The following KAT6B variants were observed in gnomAD, a reference collection of about 807,000 sequenced individuals.
KAT6B encodes the protein lysine acetyltransferase 6B, also known as histone acetyltransferase KAT6B.
Under a neutral mutation model 187.5 loss-of-function variants are expected in KAT6B, and 10 were observed. The observed-to-expected ratio is 0.05, with a 90% CI of 0.03 to 0.09. The LOEUF is 0.09. Among genes scored for constraint, KAT6B ranks in the 10% least tolerant of loss-of-function variants. The pLI is 1.00. For synonymous variants in KAT6B, 861 were observed against 926.8 expected, an observed-to-expected ratio of 0.93 and a Z score of 1.29; for missense variants, 1,952 against 2,558.9, an observed-to-expected ratio of 0.76 and a Z score of 5.12.
rs1157587933 is a variant in KAT6B, at chr10:74,975,521, C to T, written c.1184C>T (p.Ser395Leu). ...SSGHAASGKD[S>L]SSRLAVTDPT... ...GGTCATGCTGCATCTGGGAAGGACT[C>T]AAGCAGCAGATTGGCTGTTACAGAC... Residue 395 changes from serine to leucine, a missense_variant, in exon 8 of 18, where the codon TCA (serine) becomes TTA (leucine). Coordinates refer to ENST00000287239, the MANE Select transcript of KAT6B (RefSeq NM_012330.4). 1 of 1,614,092 alleles carries T rather than the reference C, an allele frequency of 6.2e-7. No homozygotes were observed. Among genetic ancestry groups the T allele is most frequent in the Non-Finnish European group, 8.5e-7 (1 of 1,180,030 alleles).
At chr10:74,933,732 A>G (rs1344994069) in intron 3 of KAT6B, among the ~76,000 whole-genome samples, 2 of 152,326 alleles carry the variant, frequency 1.3e-5, no homozygotes, top group South Asian at 4.1e-4. Context: ...TTCGCTGAGG[A>G]TAACAATGGC....
chr10:74,889,880 T>C (rs938964310), intron 3 of KAT6B, among the ~76,000 whole-genome samples: 6 of 152,182 alleles, frequency 3.9e-5, no homozygotes, highest in African/African-American at 9.7e-5. Context: ...ACTCACAGTT[T>C]AGTAGTGACT....
intron 3 of KAT6B, among the ~76,000 whole-genome samples, chr10:74,924,830 G>C (rs1487298708): frequency 6.6e-6 from 1 of 152,018 alleles, no homozygotes; most frequent in East Asian, 1.9e-4. Flanking sequence ...CTGTAGACCA[G>C]CTAAATGCTT....
chr10:74,963,994 T>C (rs1220732819), intron 4 of KAT6B, among the ~76,000 whole-genome samples: 1 of 149,984 alleles, frequency 6.7e-6, no homozygotes, highest in East Asian at 1.9e-4. Flanking sequence ...TAGCCGGGCA[T>C]GGTAGCGCAT....
intron 3 of KAT6B, among the ~76,000 whole-genome samples, chr10:74,929,429 A>T (rs1366834148): frequency 6.6e-6 from 1 of 152,204 alleles, no homozygotes; most frequent in Non-Finnish European, 1.5e-5. Context: ...TAAAGTATTT[A>T]AAAAATAAAC....
chr10:74,892,017 T>C (rs1845674972), intron 3 of KAT6B, among the ~76,000 whole-genome samples: 1 of 152,212 alleles, frequency 6.6e-6, no homozygotes, highest in South Asian at 2.1e-4. Context: ...GACATGCTTC[T>C]TAGGCTTAGC....
chr10:74,940,520 C>T (rs926113188), intron 3 of KAT6B, among the ~76,000 whole-genome samples: 7 of 151,074 alleles, frequency 4.6e-5, no homozygotes, highest in South Asian at 2.1e-4. Context: ...GTGATTCGCC[C>T]GCCTCAGCCT....
chr10:74,997,470 T>C (rs1843517614), intron 13 of KAT6B, among the ~76,000 whole-genome samples: 1 of 152,174 alleles, frequency 6.6e-6, no homozygotes, highest in African/African-American at 2.4e-5. Flanking sequence ...CTATGGGTGT[T>C]GAAATTGAGG....
At chr10:74,940,485 C>T (rs567778078) in intron 3 of KAT6B, among the ~76,000 whole-genome samples, 2 of 151,044 alleles carry the variant, frequency 1.3e-5, no homozygotes, top group East Asian at 1.9e-4. Flanking sequence ...CATGTTGGTC[C>T]GCCTGGTCTT....
intron 3 of KAT6B, among the ~76,000 whole-genome samples, chr10:74,910,221 C>T (rs1023311765): frequency 9.2e-5 from 14 of 152,202 alleles, no homozygotes; most frequent in South Asian, 2.1e-4. Flanking sequence ...TCGCTTGAAC[C>T]CAGGAGGCGG....
At position 75,025,186 on chromosome 10, in the gene KAT6B, A is replaced by C. The variant is rs747308567; in HGVS notation, c.3601A>C (p.Arg1201=). The part of the protein sequence containing the change: ...KAFQHQPGKK[R]QTEEEEGKDN... The stretch of plus-strand genomic sequence containing the variant: ...ATTCCAGCATCAGCCTGGGAAGAAA[A>C]GACAAACAGAGGAAGAGGAAGGAAA... Residue 1201 remains arginine, a synonymous_variant, in exon 17 of 18, where the codon AGA becomes CGA. Transcript: ENST00000287239. 1 of 1,614,106 alleles carries C rather than the reference A, an allele frequency of 6.2e-7. No individual in the cohort carries two copies. Among genetic ancestry groups the C allele is most frequent in the South Asian group, 1.1e-5 (1 of 91,090 alleles).
At chr10:74,873,881 G>C (rs953128689) in intron 3 of KAT6B, among the ~76,000 whole-genome samples, 1 of 152,096 alleles carries the variant, frequency 6.6e-6, no homozygotes, top group Admixed American at 6.6e-5. Context: ...GAGATGAAAT[G>C]ACTCATTTAG....
chr10:74,996,520 C>T (rs920349252), intron 13 of KAT6B, among the ~76,000 whole-genome samples: 1 of 151,824 alleles, frequency 6.6e-6, no homozygotes, highest in African/African-American at 2.4e-5. Context: ...CCTGTAATCC[C>T]AGCACTGTGG....
intron 3 of KAT6B, among the ~76,000 whole-genome samples, chr10:74,886,107 A>G (rs563287975): frequency 6.6e-6 from 1 of 152,208 alleles, no homozygotes; most frequent in South Asian, 2.1e-4. Context: ...AAACAGTAGG[A>G]TTTCAGTTTG....
At position 75,030,937 on chromosome 10, in the gene KAT6B, T is replaced by C. The variant is rs1250022554; in HGVS notation, c.6113T>C (p.Met2038Thr). Residue 2038 changes from methionine to threonine, a missense_variant, in exon 18 of 18, where the codon ATG becomes ACG. By Grantham distance (81) the Met-to-Thr change is moderately conservative. Transcript: ENST00000287239. The surrounding 1 kb of genome is among the most constrained non-coding windows in gnomAD (Gnocchi z 4.8). ...ACCCAGCCATATGCCCAGCAGCCAA[T>C]GCAGACCCCACCCCACGGTAACATG... is the stretch of plus-strand genomic sequence containing the variant. ...MGTQPYAQQP[M>T]QTPPHGNMMY... is the part of the protein sequence containing the mutation. The C allele has an allele frequency of 6.2e-7, 1 of 1,614,090 alleles. No individual in the cohort carries two copies. The highest frequency in any genetic ancestry group is 1.7e-5 in the Admixed American group (1 of 60,020).
At chr10:74,968,880 G>C (rs1841663405) in intron 4 of KAT6B, among the ~76,000 whole-genome samples, 1 of 152,158 alleles carries the variant, frequency 6.6e-6, no homozygotes. Context: ...TTGCCCCTCA[G>C]GGTCTCCAGT....
rs751195432 is a variant in KAT6B, at chr10:74,959,963, G to T, written c.622-7G>T. 1.3e-6 allele frequency: 2 copies of T among 1,570,248 alleles called. No individual in the cohort carries two copies. The highest frequency in any genetic ancestry group is 2.7e-5 in the African/African-American group (2 of 73,974). On this transcript the variant is annotated splice_region_variant and splice_polypyrimidine_tract_variant and intron_variant, in intron 3 of 17. Coordinates refer to ENST00000287239, the MANE Select transcript of KAT6B (RefSeq NM_012330.4). ...TGACAGTATTTTTTATTTTAATTTT[G>T]TCATAGCCCCGTGCTGATCCCATTC...
intron 1 of KAT6B, among the ~76,000 whole-genome samples, chr10:74,834,629 C>T (rs2131989320): frequency 6.6e-6 from 1 of 152,310 alleles, no homozygotes; most frequent in African/African-American, 2.4e-5. Context: ...TCAAGAGATC[C>T]TCTTGCCTCG....
intron 13 of KAT6B, among the ~76,000 whole-genome samples, chr10:75,014,459 GA>G (rs1390081526): frequency 2.7e-5 from 4 of 146,280 alleles, no homozygotes; most frequent in Non-Finnish European, 5.9e-5. Context: ...GAAAGTATAG[GA>G]TTTTTTTTAA....
Sources: allele counts gnomAD v4.1 joint callset (sites outside exome capture counted in the v4.1 genomes callset), GRCh38; gene constraint gnomAD v4.1.1; non-coding constraint Gnocchi (gnomAD v3.1); transcripts MANE v1.5; gene names NCBI Gene and HGNC (gene_info 2026-07-23, HGNC 2026-07-21).